TMEM132D: variants seen among roughly 807,000 people sequenced by gnomAD.
TMEM132D encodes mature OL transmembrane protein.
TMEM132D carries 21 observed loss-of-function variants against 62.3 expected under a neutral mutation model. The observed-to-expected ratio is 0.34, with a 90% CI of 0.24 to 0.49. The LOEUF is 0.49. TMEM132D is among the 20% of genes least tolerant of loss of function. The probability of loss-of-function intolerance (pLI) is 0.99; values close to 1 mark genes in which losing one functional copy is unlikely to be tolerated. For synonymous variants in TMEM132D, 621 were observed against 575.6 expected (o/e 1.08, Z -1.13); for missense variants, 1,346 against 1,402.8 (o/e 0.96, Z 0.65).
intron 3 of TMEM132D, among the ~76,000 whole-genome samples, chr12:129,420,424 G>A (rs142831701): frequency 2.3e-4 from 34 of 149,264 alleles, no homozygotes; most frequent in African/African-American, 6.9e-4. Flanking sequence ...AGTGCTGTCC[G>A]GTCCCAAACC....
chr12:129,075,097 A>G (rs769623875), intron 8 of TMEM132D, 38 bp from the exon 9 acceptor site: 1 of 1,548,352 alleles, frequency 6.5e-7, no homozygotes. Context: ...AAATGGGCCA[A>G]AAAGCTCATT....
chr12:129,599,747 G>A (rs1199614461), intron 2 of TMEM132D, among the ~76,000 whole-genome samples: 1 of 152,112 alleles, frequency 6.6e-6, no homozygotes, highest in Admixed American at 6.6e-5. Context: ...GCATATACAA[G>A]TTACATTTAC....
At chr12:129,385,852 G>A (rs1463530661) in intron 3 of TMEM132D, among the ~76,000 whole-genome samples, 1 of 152,186 alleles carries the variant, frequency 6.6e-6, no homozygotes, top group Non-Finnish European at 1.5e-5. Context: ...CCAGAGAAAA[G>A]ATCTACTGGG....
In TMEM132D at chr12:129,867,984, G is replaced by A. The variant is rs1394062605; in HGVS notation, c.79+35277C>T. Among the ~76,000 whole-genome samples the A allele has an allele frequency of 1.3e-5, 2 of 152,080 alleles. No individual in the cohort carries two copies. Among genetic ancestry groups the A allele is most frequent in the African/African-American group, 2.4e-5 (1 of 41,386 alleles). ...GGTACACATGAGACAGCATTTGTAC[G>A]GTACACACATGAGGCGGCGTTTCTA... On this transcript the variant is annotated intron_variant, in intron 1 of 8. Transcript: ENST00000422113. This position sits in a 1 kb window ranked among gnomAD's most constrained non-coding sequence, Gnocchi z 4.5.
chr12:129,443,383 T>C (rs1412858673), intron 3 of TMEM132D, among the ~76,000 whole-genome samples: 1 of 152,218 alleles, frequency 6.6e-6, no homozygotes, highest in Non-Finnish European at 1.5e-5. Context: ...TTAAGTCCCA[T>C]TCTGATATCA....
rs532191925 is a variant in TMEM132D, at chr12:129,229,896, A to G, written c.1300-20233T>C. On this transcript the variant is annotated intron_variant, in intron 4 of 8. Transcript: ENST00000422113. ...TGGTGTGGCTAATCCCAAATAGTGT[A>G]AAACCCAAAAGTCATTTGCAGTTTG... 5.3e-5 allele frequency among the ~76,000 whole-genome samples: 8 copies of G among 152,320 alleles called. No individual in the cohort carries two copies. The South Asian group carries it at 8.3e-4, about 16-fold the overall frequency.
At chr12:129,672,871 T>C (rs264500) in intron 2 of TMEM132D, among the ~76,000 whole-genome samples, 97,218 of 151,932 alleles carry the variant, frequency 0.64, 32,054 homozygotes, top group Middle Eastern at 0.76. Context: ...CCTCAGCCTC[T>C]CCAGTAGCTG....
intron 1 of TMEM132D, among the ~76,000 whole-genome samples, chr12:129,805,389 A>G (rs927002406): frequency 1.4e-4 from 22 of 152,232 alleles, no homozygotes; most frequent in Admixed American, 2.6e-4. Context: ...ATAACGCCGC[A>G]TATCTACAAC....
At chr12:129,197,856 T>C (rs1347995879) in intron 5 of TMEM132D, among the ~76,000 whole-genome samples, 2 of 152,148 alleles carry the variant, frequency 1.3e-5, no homozygotes, top group Admixed American at 6.5e-5. Context: ...ATATAACCCA[T>C]GGAATGGGAG....
intron 2 of TMEM132D, among the ~76,000 whole-genome samples, chr12:129,553,269 T>C (rs546379937): frequency 3.3e-5 from 5 of 152,286 alleles, no homozygotes; most frequent in African/African-American, 1.2e-4. Flanking sequence ...CCTGGCTGCG[T>C]GAGTCCATCC....
chr12:129,125,500 G>GT (rs397850884), intron 5 of TMEM132D, among the ~76,000 whole-genome samples: 96 of 53,914 alleles, frequency 1.8e-3, no homozygotes, highest in African/African-American at 3.9e-3. Context: ...ATTACTATGA[G>GT]TTTTTTTTTT....
intron 4 of TMEM132D, among the ~76,000 whole-genome samples, chr12:129,247,711 G>A (rs1430352514): frequency 1.3e-5 from 2 of 152,190 alleles, no homozygotes; most frequent in Non-Finnish European, 2.9e-5. Flanking sequence ...CTTTCCCTTT[G>A]TAATGTTAAT....
intron 1 of TMEM132D, among the ~76,000 whole-genome samples, chr12:129,794,727 T>C (rs1334300840): frequency 6.6e-6 from 1 of 152,206 alleles, no homozygotes; most frequent in Non-Finnish European, 1.5e-5. Flanking sequence ...TTTTACTATC[T>C]GTGAGTGCGA....
rs1256157104 is a variant in TMEM132D, at chr12:129,903,729, G to C, written c.-390C>G. ...GGCTCCGGCGGCTCCAGCTGCTCCC[G>C]GGCTGGCTAGCGGGCGCTGGCGCAG... is the stretch of plus-strand genomic sequence containing the variant. On this transcript the variant is annotated 5_prime_UTR_variant, in exon 1 of 9. Coordinates refer to ENST00000422113, the MANE Select transcript of TMEM132D (RefSeq NM_133448.3). This position sits in a 1 kb window ranked among gnomAD's most constrained non-coding sequence, Gnocchi z 6.2. The C allele has an allele frequency of 6.5e-6, 1 of 154,360 alleles. No homozygotes were observed. Among genetic ancestry groups the C allele is most frequent in the Non-Finnish European group, 1.4e-5 (1 of 69,980 alleles). 9.6% of individuals were successfully genotyped at this position (154,360 alleles called of 1,614,324 possible).
At chr12:129,249,650 A>C (rs985344847) in intron 4 of TMEM132D, among the ~76,000 whole-genome samples, 1 of 152,328 alleles carries the variant, frequency 6.6e-6, no homozygotes, top group East Asian at 1.9e-4. Flanking sequence ...GCTCCTGCCC[A>C]AGGGAGATTT....
intron 2 of TMEM132D, among the ~76,000 whole-genome samples, chr12:129,600,117 C>A (rs1296325303): frequency 6.6e-6 from 1 of 152,234 alleles, no homozygotes; most frequent in African/African-American, 2.4e-5. Context: ...TCTTTTCACA[C>A]CCTGCTGTTG....
At chr12:129,799,138 G>A (rs960976233) in intron 1 of TMEM132D, among the ~76,000 whole-genome samples, 7 of 151,944 alleles carry the variant, frequency 4.6e-5, no homozygotes, top group African/African-American at 1.2e-4. Context: ...GGTGGCAGGC[G>A]CCTGTAATCC....
intron 4 of TMEM132D, among the ~76,000 whole-genome samples, chr12:129,268,012 A>G (rs1273716470): frequency 6.6e-6 from 1 of 152,212 alleles, no homozygotes; most frequent in Non-Finnish European, 1.5e-5. Context: ...TCCCTTCCTT[A>G]CACCTTATAC....
chr12:129,389,212 GAACAGTAAAACCA>G lies in TMEM132D; in HGVS notation c.1116-51408_1116-51396del, dbSNP rs1461823206. ...AGCACTATCACCAAGACTAATACAT[GAACAGTAAAACCA>G]GTACTAAGAACAACACTAATACTAA... On this transcript the variant is annotated intron_variant, in intron 3 of 8. Transcript: ENST00000422113. Among the ~76,000 whole-genome samples the G allele has an allele frequency of 2.7e-5, 4 of 150,424 alleles. No individual in the cohort carries two copies. In the East Asian group the frequency reaches 8.0e-4, roughly 30 times the overall value.
Sources: gnomAD v4.1 joint callset for allele counts (sites outside exome capture counted in the v4.1 genomes callset) on GRCh38, gnomAD v4.1.1 for gene constraint, Gnocchi (gnomAD v3.1) non-coding constraint, MANE v1.5 for transcripts, NCBI Gene and HGNC (gene_info 2026-07-23, HGNC 2026-07-21) for gene names.